Variants in ST3GAL1 observed in about 807,000 individuals in gnomAD.
The protein encoded by ST3GAL1 is ST3 beta-galactoside alpha-2,3-sialyltransferase 1, also known as CMP-N-acetylneuraminate-beta-galactosamide-alpha-2,3-sialyltransferase 1.
Under a neutral mutation model 34.1 loss-of-function variants are expected in ST3GAL1, and 16 were observed. That is an observed-to-expected ratio of 0.47 (90% confidence interval 0.32 to 0.71). The LOEUF (loss-of-function observed/expected upper bound fraction) is 0.71, where lower values mean the gene tolerates loss of function less well. Among genes scored for constraint, ST3GAL1 ranks in the 30% least tolerant of loss-of-function variants. The pLI is 0.04. For synonymous variants in ST3GAL1, 191 were observed against 184.7 expected (o/e 1.03, Z -0.28); for missense variants, 353 against 447.4 (o/e 0.79, Z 1.90).
chr8:133,513,269 A>T (rs1336546635), intron 2 of ST3GAL1, among the ~76,000 whole-genome samples: 2 of 151,420 alleles, frequency 1.3e-5, no homozygotes, highest in African/African-American at 4.9e-5. Flanking sequence ...AGCAGCGCCC[A>T]CTCTCGCCTC....
Position 133,556,269 on chromosome 8 carries a change from C to T in ST3GAL1, c.-581-10343G>A, listed in dbSNP as rs1370639865. 1.3e-5 allele frequency among the ~76,000 whole-genome samples: 2 copies of T among 152,172 alleles called. No individual in the cohort carries two copies. Among genetic ancestry groups the T allele is most frequent in the African/African-American group, 4.8e-5 (2 of 41,450 alleles). ...GTCACCCCCAGAGCACAAGGGGTAACACTAAGCTCGGACGTGGAAGTCACT... is the reference window on the plus strand; with the variant it reads ...GTCACCCCCAGAGCACAAGGGGTAATACTAAGCTCGGACGTGGAAGTCACT... On this transcript the variant is annotated intron_variant, in intron 1 of 9. Coordinates refer to ENST00000522652, the MANE Select transcript of ST3GAL1 (RefSeq NM_173344.3). This position sits in a 1 kb window ranked among gnomAD's most constrained non-coding sequence, Gnocchi z 8.9.
intron 2 of ST3GAL1, among the ~76,000 whole-genome samples, chr8:133,536,627 C>A (rs1438655964): frequency 6.6e-6 from 1 of 152,198 alleles, no homozygotes; most frequent in Non-Finnish European, 1.5e-5. Context: ...GGCTCCTGTT[C>A]CTGCAGCTCA....
At chr8:133,492,547 C>A (rs1259127159) in intron 3 of ST3GAL1, among the ~76,000 whole-genome samples, 3 of 152,148 alleles carry the variant, frequency 2.0e-5, no homozygotes, top group Non-Finnish European at 4.4e-5. Flanking sequence ...CATGGTGAAA[C>A]CCTGTCTTTA....
chr8:133,469,140 C>T lies in ST3GAL1; in HGVS notation c.307-3050G>A, dbSNP rs1241898325. Among the ~76,000 whole-genome samples, 1 of 152,180 alleles carries T rather than the reference C, an allele frequency of 6.6e-6. No individual in the cohort carries two copies. The highest frequency in any genetic ancestry group is 6.5e-5 in the Admixed American group (1 of 15,286). ...GTATGCTGCCTGCTTCACACAGCAC[C>T]ACATCATCCTGCTGGACTCTGACTG... On this transcript the variant is annotated intron_variant, in intron 5 of 9. Coordinates refer to ENST00000522652, the MANE Select transcript of ST3GAL1 (RefSeq NM_173344.3). The surrounding 1 kb of genome is among the most constrained non-coding windows in gnomAD (Gnocchi z 4.3).
At chr8:133,495,011 TG>T (rs1248837732) in intron 3 of ST3GAL1, among the ~76,000 whole-genome samples, 1 of 145,264 alleles carries the variant, frequency 6.9e-6, no homozygotes, top group Non-Finnish European at 1.5e-5. Context: ...CTTCACCTCC[TG>T]GGTTCAAGCA....
chr8:133,530,918 T>A (rs2131044309), intron 2 of ST3GAL1, among the ~76,000 whole-genome samples: 1 of 151,830 alleles, frequency 6.6e-6, no homozygotes, highest in South Asian at 2.1e-4. Flanking sequence ...AGATGAGGAG[T>A]GTGGTCAGGA....
chr8:133,480,884 A>G (rs1816357420), intron 3 of ST3GAL1, among the ~76,000 whole-genome samples: 1 of 152,040 alleles, frequency 6.6e-6, no homozygotes. Context: ...TGCCTACTCT[A>G]TTTGAATTAT....
intron 3 of ST3GAL1, among the ~76,000 whole-genome samples, chr8:133,480,010 A>C (rs13251263): frequency 6.6e-6 from 1 of 152,044 alleles, no homozygotes; most frequent in Non-Finnish European, 1.5e-5. Context: ...ATCTGGGCCA[A>C]GACGCCACAG....
At chr8:133,483,006 C>T (rs1816454770) in intron 3 of ST3GAL1, among the ~76,000 whole-genome samples, 1 of 152,246 alleles carries the variant, frequency 6.6e-6, no homozygotes, top group Non-Finnish European at 1.5e-5. Context: ...GGCACTTGCC[C>T]TCTCTGATCC....
At position 133,535,670 on chromosome 8, in the gene ST3GAL1, G is replaced by C. The variant is rs191012479; in HGVS notation, c.-429+10104C>G. ...CCGGCTAATGTTTTCACTTTTTTTG[G>C]TAGGGGGTGAATCTCGCTATGTTGC... On this transcript the variant is annotated intron_variant, in intron 2 of 9. Coordinates refer to ENST00000522652, the MANE Select transcript of ST3GAL1 (RefSeq NM_173344.3). Among the ~76,000 whole-genome samples, 384 of 152,068 alleles carry C rather than the reference G, an allele frequency of 2.5e-3. 1 individual carries two copies. Among genetic ancestry groups the C allele is most frequent in the African/African-American group, 8.9e-3 (367 of 41,444 alleles).
rs1464374633 is a variant in ST3GAL1, at chr8:133,571,253, G to C, written c.-582+440C>G. Reference sequence around the variant, plus strand: ...GAGCGCCTGAGCCCGGCCACCCAGCGAGGTCTCCTCCCACGGGCGGCCCCA... The same window carrying C: ...GAGCGCCTGAGCCCGGCCACCCAGCCAGGTCTCCTCCCACGGGCGGCCCCA... On this transcript the variant is annotated intron_variant, in intron 1 of 9. Transcript: ENST00000522652. This position sits in a 1 kb window ranked among gnomAD's most constrained non-coding sequence, Gnocchi z 6.7. 6.6e-6 allele frequency among the ~76,000 whole-genome samples: 1 copy of C among 152,152 alleles called. No homozygotes were observed. Among genetic ancestry groups the C allele is most frequent in the Non-Finnish European group, 1.5e-5 (1 of 68,018 alleles).
rs1466598586 is a variant in ST3GAL1, at chr8:133,466,588, C to T, written c.307-498G>A. On this transcript the variant is annotated intron_variant, in intron 5 of 9. Coordinates refer to ENST00000522652, the MANE Select transcript of ST3GAL1 (RefSeq NM_173344.3). This position sits in a 1 kb window ranked among gnomAD's most constrained non-coding sequence, Gnocchi z 4.4. ...CAGGGGTTGCGTGCTCCCGCTCAAG[C>T]CTTAACAAGAAGAGCGAGGAGTAGG... Among the ~76,000 whole-genome samples, 1 of 152,206 alleles carries T rather than the reference C, an allele frequency of 6.6e-6. No individual in the cohort carries two copies. The highest frequency in any genetic ancestry group is 1.5e-5 in the Non-Finnish European group (1 of 68,048).
rs185196000 is a variant in ST3GAL1, at chr8:133,524,337, G to A, written c.-429+21437C>T. Reference sequence around the variant, plus strand: ...GAGCCAGGACACAAACCCAGGCATTGTCCCCTAGAGACAGAGCTCTCAACA... The same window carrying A: ...GAGCCAGGACACAAACCCAGGCATTATCCCCTAGAGACAGAGCTCTCAACA... On this transcript the variant is annotated intron_variant, in intron 2 of 9. Transcript: ENST00000522652. 3.0e-3 allele frequency among the ~76,000 whole-genome samples: 458 copies of A among 152,338 alleles called. 4 individuals carry two copies. Among genetic ancestry groups the A allele is most frequent in the Non-Finnish European group, 5.3e-3 (361 of 68,028 alleles).
chr8:133,497,540 G>A (rs1366137310), intron 3 of ST3GAL1, among the ~76,000 whole-genome samples: 1 of 131,282 alleles, frequency 7.6e-6, no homozygotes, highest in Non-Finnish European at 1.5e-5. Flanking sequence ...GCGCAATCTC[G>A]GCTAACTGCA....
chr8:133,521,020 T>C (rs1248548027), intron 2 of ST3GAL1, among the ~76,000 whole-genome samples: 14 of 92,106 alleles, frequency 1.5e-4, no homozygotes, highest in African/African-American at 6.4e-4. Flanking sequence ...TGGTGCAATC[T>C]TGGCTCACTG....
At chr8:133,538,359 AT>A (rs1818369389) in intron 2 of ST3GAL1, among the ~76,000 whole-genome samples, 1 of 152,154 alleles carries the variant, frequency 6.6e-6, no homozygotes, top group South Asian at 2.1e-4. Context: ...TACTACAAAT[AT>A]AAAAATTAGC....
At chr8:133,462,906 CCTAT>C (rs1232334972) in intron 8 of ST3GAL1, among the ~76,000 whole-genome samples, 1 of 152,232 alleles carries the variant, frequency 6.6e-6, no homozygotes, top group African/African-American at 2.4e-5. Flanking sequence ...CCTCTCCGAG[CCTAT>C]CTAAGTTTGA....
chr8:133,472,506 G>A (rs1330489303), intron 5 of ST3GAL1, among the ~76,000 whole-genome samples: 3 of 152,254 alleles, frequency 2.0e-5, no homozygotes, highest in East Asian at 3.8e-4. Context: ...TTCCATTCAT[G>A]AAATGGTCCT....
At chr8:133,541,017 G>A (rs1467560924) in intron 2 of ST3GAL1, among the ~76,000 whole-genome samples, 15 of 19,794 alleles carry the variant, frequency 7.6e-4, no homozygotes, top group East Asian at 1.7e-3. Flanking sequence ...ACATATATAT[G>A]CAGACATATA....
Sources: gnomAD v4.1 joint callset for allele counts (sites outside exome capture counted in the v4.1 genomes callset) on GRCh38, gnomAD v4.1.1 for gene constraint, Gnocchi (gnomAD v3.1) non-coding constraint, MANE v1.5 for transcripts, NCBI Gene and HGNC (gene_info 2026-07-23, HGNC 2026-07-21) for gene names.